Variants in MYLK observed in about 807,000 individuals in gnomAD.
MYLK encodes myosin light chain kinase, smooth muscle.
In MYLK, 106 loss-of-function variants were observed where a neutral mutation model predicts 203.4. The observed-to-expected ratio is 0.52, with a 90% confidence interval of 0.45 to 0.61. The LOEUF (loss-of-function observed/expected upper bound fraction) is 0.61. Ranked by LOEUF, MYLK falls within the 20% of genes least tolerant of loss-of-function variation. The pLI is 0.00. For synonymous variants in MYLK, 867 were observed against 959.5 expected, an observed-to-expected ratio of 0.90 and a Z score of 1.78; for missense variants, 2,072 against 2,442.3, an observed-to-expected ratio of 0.85 and a Z score of 3.20.
At chr3:123,649,537 CT>C (rs1185254706) in intron 24 of MYLK, among the ~76,000 whole-genome samples, 1 of 152,234 alleles carries the variant, frequency 6.6e-6, no homozygotes, top group African/African-American at 2.4e-5. Flanking sequence ...CTGTGACAGT[CT>C]CTTTCTGCCC....
chr3:123,749,250 G>A lies in MYLK; in HGVS notation c.373+3081C>T, dbSNP rs143338323. On this transcript the variant is annotated intron_variant, in intron 5 of 33. Coordinates refer to ENST00000360304, the MANE Select transcript of MYLK (RefSeq NM_053025.4). ...GCTGTGATTACACCACTGCACTCTC[G>A]TCTGAGCAACAGAGCAAGACCTAGC... is the stretch of plus-strand genomic sequence containing the variant. Among the ~76,000 whole-genome samples, 74 of 151,226 alleles carry A rather than the reference G, an allele frequency of 4.9e-4. 1 individual carries two copies. The East Asian group carries it at 0.014, about 28-fold the overall frequency.
rs780448822 is a variant in MYLK, at chr3:123,752,474, C to T, written c.230G>A (p.Gly77Asp). ...HRNGQPITSG[G>D]RFLLDCGIRG... Reference sequence around the variant, plus strand: ...GATGCCGCAATCCAGCAGGAAGCGGCCCCCGCTGGTGATGGGTTGCCCGTT... The same window carrying T: ...GATGCCGCAATCCAGCAGGAAGCGGTCCCCGCTGGTGATGGGTTGCCCGTT... The change falls in exon 5 of 34, where the codon GGC (glycine) becomes GAC (aspartate). Residue 77 changes from glycine to aspartate, a missense_variant. Gly to Asp is a moderately conservative substitution (Grantham distance 94, BLOSUM62 -1). Coordinates refer to ENST00000360304, the MANE Select transcript of MYLK (RefSeq NM_053025.4). The T allele has an allele frequency of 1.1e-5, 18 of 1,614,174 alleles. No individual in the cohort carries two copies. Among genetic ancestry groups the T allele is most frequent in the Admixed American group, 3.3e-5 (2 of 60,028 alleles).
At chr3:123,660,661 T>A (rs1170609309) in intron 23 of MYLK, among the ~76,000 whole-genome samples, 1 of 152,136 alleles carries the variant, frequency 6.6e-6, no homozygotes, top group Non-Finnish European at 1.5e-5. Flanking sequence ...CCAGAGAGGA[T>A]CTGAAAAGAA....
chr3:123,686,369 C>CG (rs1380758060), intron 19 of MYLK, among the ~76,000 whole-genome samples: 2 of 40,360 alleles, frequency 5.0e-5, no homozygotes, highest in East Asian at 1.3e-3. Context: ...CTCTGGGCAG[C>CG]GTTTTTTTTT....
At chr3:123,814,147 C>G (rs1056372586) in intron 3 of MYLK, 2 of 367,494 alleles carry the variant, frequency 5.4e-6, no homozygotes, top group African/African-American at 4.3e-5. Flanking sequence ...CACAGAAACA[C>G]TGACTCATGG....
In MYLK at chr3:123,709,577, C is replaced by A. The variant is rs1162488486; in HGVS notation, c.1942+179G>T. 5.2e-6 allele frequency: 4 copies of A among 769,444 alleles called. No individual in the cohort carries two copies. The African/African-American group carries it at 6.9e-5, about 13-fold the overall frequency. The allele number at this position is 769,444 out of a possible 1,614,324, so 47.7% of individuals were successfully genotyped here. On this transcript the variant is annotated intron_variant, in intron 14 of 33. Transcript: ENST00000360304. Reference sequence around the variant, plus strand: ...CATTTAATCATGAATCCAGAAAATCCTACCCAGAGAAGGCAGAAAAGAGAG... The same window carrying A: ...CATTTAATCATGAATCCAGAAAATCATACCCAGAGAAGGCAGAAAAGAGAG...
intron 20 of MYLK, among the ~76,000 whole-genome samples, chr3:123,676,630 G>C (rs1330760770): frequency 6.6e-6 from 1 of 152,208 alleles, no homozygotes; most frequent in Non-Finnish European, 1.5e-5. Context: ...CAGAGGTGAA[G>C]CTCAGGCCAA....
chr3:123,725,896 A>C (rs2062261555), intron 12 of MYLK, 48 bp downstream of exon 12: 1 of 1,599,508 alleles, frequency 6.3e-7, no homozygotes, highest in South Asian at 1.1e-5. Flanking sequence ...AGGCAGCGCC[A>C]AAGGGCCCAG....
At position 123,640,478 on chromosome 3, in the gene MYLK, C is replaced by T. The variant is rs867552093; in HGVS notation, c.4646G>A (p.Arg1549His). ...CAGCTCAAAGTCCTCGTCAATGATGCGCTCAAACAGCTCCCCTCCTGACAC... is the reference window on the plus strand; with the variant it reads ...CAGCTCAAAGTCCTCGTCAATGATGTGCTCAAACAGCTCCCCTCCTGACAC... ...EIVSGGELFE[R>H]IIDEDFELTE... Residue 1549 changes from arginine to histidine, a missense_variant, in exon 28 of 34, where the codon CGC becomes CAC. This residue lies in a region of MYLK where 524 missense variants were observed against 782.4 expected (regional missense o/e 0.67). Transcript: ENST00000360304. The surrounding 1 kb of genome is among the most constrained non-coding windows in gnomAD (Gnocchi z 4.3). 5.6e-6 allele frequency: 9 copies of T among 1,614,012 alleles called. No homozygotes were observed. In the Middle Eastern group the frequency reaches 6.7e-4, roughly 119 times the overall value.
intron 3 of MYLK, among the ~76,000 whole-genome samples, chr3:123,802,694 C>T (rs2065236544): frequency 1.3e-5 from 2 of 152,196 alleles, no homozygotes; most frequent in South Asian, 4.1e-4. Context: ...TTGTTTTCTT[C>T]CTGCTGGAAT....
intron 5 of MYLK, among the ~76,000 whole-genome samples, 162 bp from the exon 6 acceptor site, chr3:123,740,163 C>T (rs1356882033): frequency 6.6e-6 from 1 of 152,200 alleles, no homozygotes; most frequent in South Asian, 2.1e-4. Context: ...TGTTTACATA[C>T]ATTATCATGT....
intron 1 of MYLK, among the ~76,000 whole-genome samples, chr3:123,881,531 G>A (rs200045034): frequency 6.6e-6 from 1 of 152,060 alleles, no homozygotes; most frequent in Admixed American, 6.5e-5. Context: ...CTTCCAAGTA[G>A]GCTTATATTT....
chr3:123,667,558 T>C (rs2059779377), intron 20 of MYLK, among the ~76,000 whole-genome samples: 1 of 151,282 alleles, frequency 6.6e-6, no homozygotes, highest in Non-Finnish European at 1.5e-5. Context: ...GAGCAGAGAT[T>C]GCACCACTGC....
At chr3:123,730,461 C>T (rs2062437124) in intron 11 of MYLK, among the ~76,000 whole-genome samples, 1 of 152,162 alleles carries the variant, frequency 6.6e-6, no homozygotes, top group African/African-American at 2.4e-5. Context: ...ATGTGCATAG[C>T]AACACTTTTC....
chr3:123,689,347 G>A (rs73200079), intron 19 of MYLK, among the ~76,000 whole-genome samples: 44 of 152,252 alleles, frequency 2.9e-4, no homozygotes, highest in Non-Finnish European at 5.7e-4. Flanking sequence ...TGAGTCCCAC[G>A]TGCAGAAGGA....
intron 2 of MYLK, among the ~76,000 whole-genome samples, chr3:123,860,415 G>A (rs2031791243): frequency 6.6e-6 from 1 of 152,144 alleles, no homozygotes; most frequent in African/African-American, 2.4e-5. Flanking sequence ...TTTGGTATTT[G>A]AGCCTAACGA....
At chr3:123,709,420 G>T in intron 14 of MYLK, 1 of 344,760 alleles carries the variant, frequency 2.9e-6, no homozygotes. Context: ...GATTACAGGC[G>T]TGAGCCACCG....
chr3:123,731,064 C>T (rs550725474), intron 11 of MYLK, among the ~76,000 whole-genome samples: 3 of 152,240 alleles, frequency 2.0e-5, no homozygotes, highest in African/African-American at 7.2e-5. Flanking sequence ...AATCTAGGCC[C>T]TCTGGATACG....
chr3:123,882,419 A>AAAAAAT (rs1300101790), intron 1 of MYLK, among the ~76,000 whole-genome samples: 1 of 152,204 alleles, frequency 6.6e-6, no homozygotes, highest in African/African-American at 2.4e-5. Context: ...GTCTCAAAAT[A>AAAAAAT]AAAAATAAAA....
Sources: allele counts gnomAD v4.1 joint callset (sites outside exome capture counted in the v4.1 genomes callset), GRCh38; gene constraint gnomAD v4.1.1; regional missense constraint gnomAD v4.1.1; non-coding constraint Gnocchi (gnomAD v3.1); transcripts MANE v1.5; gene names NCBI Gene and HGNC (gene_info 2026-07-23, HGNC 2026-07-21).